Variants in SLC24A2 observed in about 807,000 individuals in gnomAD.
SLC24A2 encodes the protein sodium/potassium/calcium exchanger 2.
A neutral mutation model predicts 62.0 loss-of-function variants in SLC24A2; 36 were observed. That is an observed-to-expected ratio of 0.58 (90% CI 0.44 to 0.77). The LOEUF (loss-of-function observed/expected upper bound fraction) is 0.77, where lower values mean the gene tolerates loss of function less well. Among genes scored for constraint, SLC24A2 ranks in the 30% least tolerant of loss-of-function variants. SLC24A2 has a pLI of 0.00. For synonymous variants in SLC24A2, 358 were observed against 294.0 expected, an observed-to-expected ratio of 1.22 and a Z score of -2.23; for missense variants, 846 against 817.9, an observed-to-expected ratio of 1.03 and a Z score of -0.42.
At chr9:20,264,882 T>C in the SLC24A2 span, among the ~76,000 whole-genome samples, 1 of 152,214 alleles carries the variant, frequency 6.6e-6, no homozygotes, top group Non-Finnish European at 1.5e-5. Flanking sequence ...AGTTCTAAAA[T>C]GTGTAATCTC....
chr9:19,922,202 A>G, the SLC24A2 span, among the ~76,000 whole-genome samples: 1 of 152,224 alleles, frequency 6.6e-6, no homozygotes, highest in African/African-American at 2.4e-5. Context: ...TCACTCAAAA[A>G]TTCCATAAGC....
chr9:20,244,426 C>T, the SLC24A2 span, among the ~76,000 whole-genome samples: 5,177 of 152,240 alleles, frequency 0.034, 121 homozygotes, highest in African/African-American at 0.05. Flanking sequence ...GCCCTCACCC[C>T]CAGGCCAGGC....
At chr9:19,896,068 C>T in the SLC24A2 span, 5 of 1,006,742 alleles carry the variant, frequency 5.0e-6, no homozygotes, top group East Asian at 2.6e-5. Context: ...TGGACTGGAT[C>T]GAGGAGGCAG....
At chr9:19,565,059 G>C (rs1032881785) in intron 7 of SLC24A2, among the ~76,000 whole-genome samples, 1 of 152,086 alleles carries the variant, frequency 6.6e-6, no homozygotes, top group African/African-American at 2.4e-5. Flanking sequence ...GCACAAGACA[G>C]GGATGTCTTC....
the SLC24A2 span, among the ~76,000 whole-genome samples, chr9:19,897,145 G>A: frequency 5.0e-3 from 767 of 152,252 alleles, 10 homozygotes; most frequent in African/African-American, 0.017. Flanking sequence ...TGGGAAACTG[G>A]GCCTTGGTAG....
At chr9:20,244,066 T>G in the SLC24A2 span, among the ~76,000 whole-genome samples, 1 of 152,112 alleles carries the variant, frequency 6.6e-6, no homozygotes, top group Non-Finnish European at 1.5e-5. Context: ...CAGGATGGCT[T>G]AAAGTTAATC....
the SLC24A2 span, among the ~76,000 whole-genome samples, chr9:19,809,843 G>C: frequency 2.0e-5 from 3 of 151,894 alleles, no homozygotes; most frequent in Non-Finnish European, 4.4e-5. Context: ...TTTCCTCTTG[G>C]AAGTTCCCTC....
At chr9:19,949,754 C>T in the SLC24A2 span, among the ~76,000 whole-genome samples, 6 of 152,298 alleles carry the variant, frequency 3.9e-5, no homozygotes, top group African/African-American at 1.4e-4. Flanking sequence ...GGTGGTGGTT[C>T]ATTACTGACC....
the SLC24A2 span, among the ~76,000 whole-genome samples, chr9:20,043,309 T>C: frequency 3.3e-5 from 5 of 152,216 alleles, no homozygotes; most frequent in African/African-American, 4.8e-5. Flanking sequence ...GTGATGAATG[T>C]TGTTTTCTTG....
the SLC24A2 span, among the ~76,000 whole-genome samples, chr9:20,210,899 A>G: frequency 6.6e-6 from 1 of 151,932 alleles, no homozygotes; most frequent in Admixed American, 6.6e-5. Flanking sequence ...GATTATCATC[A>G]CAATCCCACT....
intron 2 of SLC24A2, among the ~76,000 whole-genome samples, chr9:19,691,601 C>T (rs1388395785): frequency 3.9e-5 from 6 of 152,130 alleles, no homozygotes; most frequent in South Asian, 2.1e-4. Flanking sequence ...TTCACTTCCT[C>T]GTTGCTTCTA....
intron 4 of SLC24A2, among the ~76,000 whole-genome samples, chr9:19,602,135 G>A (rs1056089573): frequency 6.6e-6 from 1 of 152,168 alleles, no homozygotes; most frequent in African/African-American, 2.4e-5. Context: ...TATTACCAGT[G>A]TGACTTTGTA....
At chr9:19,636,335 CTTTCTT>C (rs1818340583) in intron 2 of SLC24A2, among the ~76,000 whole-genome samples, 1 of 24,022 alleles carries the variant, frequency 4.2e-5, no homozygotes, top group African/African-American at 2.0e-4. Context: ...TTCTTTCTTT[CTTTCTT>C]TCTTTCTTTC....
chr9:19,604,886 C>T (rs1385714431), intron 4 of SLC24A2, among the ~76,000 whole-genome samples: 1 of 152,158 alleles, frequency 6.6e-6, no homozygotes, highest in Non-Finnish European at 1.5e-5. Flanking sequence ...ACAATAGAAA[C>T]AATCACTCCA....
At chr9:19,703,452 C>T (rs193013356) in intron 2 of SLC24A2, among the ~76,000 whole-genome samples, 1 of 152,228 alleles carries the variant, frequency 6.6e-6, no homozygotes, top group Admixed American at 6.5e-5. Flanking sequence ...CATTCATAAT[C>T]CAGTCAAGGA....
chr9:20,247,129 G>T, the SLC24A2 span, among the ~76,000 whole-genome samples: 1 of 152,102 alleles, frequency 6.6e-6, no homozygotes, highest in Admixed American at 6.5e-5. Flanking sequence ...ATCTTCACAG[G>T]TTTCTCTATT....
chr9:20,083,769 C>T, the SLC24A2 span, among the ~76,000 whole-genome samples: 1 of 152,178 alleles, frequency 6.6e-6, no homozygotes, highest in African/African-American at 2.4e-5. Flanking sequence ...ATTTAGAAGC[C>T]TCTCTGCCTA....
At chr9:19,820,784 G>A in the SLC24A2 span, among the ~76,000 whole-genome samples, 41 of 151,786 alleles carry the variant, frequency 2.7e-4, no homozygotes, top group Admixed American at 5.9e-4. Flanking sequence ...ATCAGAAGAA[G>A]GCCTGGACCC....
the SLC24A2 span, among the ~76,000 whole-genome samples, chr9:19,931,271 G>C: frequency 6.6e-6 from 1 of 152,012 alleles, no homozygotes; most frequent in Admixed American, 6.5e-5. Flanking sequence ...TTATCAAAGT[G>C]GAAGTTCACA....
Sources: allele counts gnomAD v4.1 joint callset (sites outside exome capture counted in the v4.1 genomes callset), GRCh38; gene constraint gnomAD v4.1.1; transcripts MANE v1.5; gene names NCBI Gene and HGNC (gene_info 2026-07-23, HGNC 2026-07-21).